The following EXTL3 variants were observed in gnomAD, a reference collection of about 807,000 sequenced individuals.
EXTL3 encodes the protein exostosin like glycosyltransferase 3.
A neutral mutation model predicts 69.3 loss-of-function variants in EXTL3; 27 were observed. The ratio of observed to expected loss-of-function variants is 0.39; its 90% CI spans 0.29 to 0.54. The LOEUF is 0.54. Among genes scored for constraint, EXTL3 ranks in the 20% least tolerant of loss-of-function variants. The pLI is 0.69. For missense variants in EXTL3, 1,003 were observed against 1,231.8 expected (o/e 0.81, Z 2.78); for synonymous variants, 511 against 499.4 (o/e 1.02, Z -0.31).
intron 4 of EXTL3, among the ~76,000 whole-genome samples, chr8:28,735,697 C>A (rs1801636598): frequency 6.6e-6 from 1 of 152,134 alleles, no homozygotes; most frequent in Non-Finnish European, 1.5e-5. Context: ...GACCTAAGTT[C>A]AAAGGAAAGG....
At chr8:28,690,589 T>G (rs564113581) in intron 1 of EXTL3, among the ~76,000 whole-genome samples, 2 of 152,246 alleles carry the variant, frequency 1.3e-5, no homozygotes, top group East Asian at 3.9e-4. Context: ...TGGGTGGTTT[T>G]GGCACAGGGT....
At chr8:28,673,307 TCCTGATGTG>T (rs1225034554) in intron 1 of EXTL3, among the ~76,000 whole-genome samples, 7 of 152,222 alleles carry the variant, frequency 4.6e-5, no homozygotes, top group Admixed American at 2.0e-4. Context: ...AAACATTATT[TCCTGATGTG>T]TCTTTGCGGG....
chr8:28,712,233 T>G (rs539189052), intron 1 of EXTL3, among the ~76,000 whole-genome samples: 2 of 152,276 alleles, frequency 1.3e-5, no homozygotes, highest in Admixed American at 6.5e-5. Flanking sequence ...AGCGAGAAGC[T>G]TGGCACAGTC....
chr8:28,684,428 G>T (rs1223173880), intron 1 of EXTL3, among the ~76,000 whole-genome samples: 1 of 152,078 alleles, frequency 6.6e-6, no homozygotes, highest in Non-Finnish European at 1.5e-5. Context: ...ATCTGAGGTG[G>T]TTCTGTAAAA....
Position 28,613,800 on chromosome 8 carries a change from G to A in EXTL3, n.314+6042G>A, listed in dbSNP as rs1806298937. On this transcript the variant is annotated intron_variant and non_coding_transcript_variant, in intron 2 of 4. Transcript: ENST00000522725. ...TGATCCTTTTAATGCCATAGGATCA[G>A]TAGTGATGGCCTCTCTTTTTTAGCC... Among the ~76,000 whole-genome samples, 2 of 151,834 alleles carry A rather than the reference G, an allele frequency of 1.3e-5. 1 individual carries two copies. Among genetic ancestry groups the A allele is most frequent in the South Asian group, 4.2e-4 (2 of 4,818 alleles).
chr8:28,615,823 C>G (rs1372432796), intron 2 of EXTL3, among the ~76,000 whole-genome samples: 1 of 152,074 alleles, frequency 6.6e-6, no homozygotes, highest in Non-Finnish European at 1.5e-5. Context: ...ATCTGCTTGC[C>G]TGGGCCTCCC....
chr8:28,627,997 G>A (rs1337203879), intron 1 of EXTL3, among the ~76,000 whole-genome samples: 1 of 152,142 alleles, frequency 6.6e-6, no homozygotes, highest in Admixed American at 6.5e-5. Context: ...AAAAGTTCTA[G>A]AGAAGGATGA....
At chr8:28,670,748 T>C (rs1478277152) in intron 1 of EXTL3, among the ~76,000 whole-genome samples, 2 of 152,218 alleles carry the variant, frequency 1.3e-5, no homozygotes, top group Non-Finnish European at 2.9e-5. Context: ...AGTCTCTCGA[T>C]TCCAATGTTA....
At chr8:28,756,551 C>T (rs6995174), downstream of EXTL3, among the ~76,000 whole-genome samples, 82,322 of 152,058 alleles carry the variant, frequency 0.54, 23,188 homozygotes, top group African/African-American at 0.7. Context: ...ATAAAGTTTC[C>T]GTGAACATTC....
intron 1 of EXTL3, among the ~76,000 whole-genome samples, chr8:28,680,284 C>T (rs545035148): frequency 5.5e-4 from 82 of 150,208 alleles, no homozygotes; most frequent in Admixed American, 2.1e-3. Context: ...CCAGCTACTC[C>T]GAGGCTGAGG....
intron 2 of EXTL3, among the ~76,000 whole-genome samples, chr8:28,612,463 T>TAA (rs111303829): frequency 0.017 from 2,154 of 127,142 alleles, 37 homozygotes; most frequent in African/African-American, 0.043. Flanking sequence ...CTCCATCTCT[T>TAA]AAAAAAAAAA....
intron 1 of EXTL3, among the ~76,000 whole-genome samples, chr8:28,660,136 G>A (rs1807083279): frequency 6.6e-6 from 1 of 152,210 alleles, no homozygotes; most frequent in African/African-American, 2.4e-5. Flanking sequence ...GCCAAGGCAG[G>A]AAGATCGGTT....
chr8:28,610,412 C>A (rs1172089074), intron 2 of EXTL3, among the ~76,000 whole-genome samples: 1 of 152,064 alleles, frequency 6.6e-6, no homozygotes, highest in Non-Finnish European at 1.5e-5. Context: ...TGTAACACAC[C>A]CAGGGATCTG....
chr8:28,686,715 G>C (rs1414930306), intron 1 of EXTL3, among the ~76,000 whole-genome samples: 1 of 152,132 alleles, frequency 6.6e-6, no homozygotes, highest in Non-Finnish European at 1.5e-5. Context: ...AGGGCAATTA[G>C]GAGGAGAAAG....
chr8:28,702,130 C>T (rs184414815), intron 1 of EXTL3, among the ~76,000 whole-genome samples: 191 of 152,308 alleles, frequency 1.3e-3, no homozygotes, highest in South Asian at 2.3e-3. Flanking sequence ...GGACTACCCC[C>T]ACCCCTTCCC....
chr8:28,733,121 T>A (rs1273797592), intron 4 of EXTL3, among the ~76,000 whole-genome samples: 3 of 152,206 alleles, frequency 2.0e-5, no homozygotes, highest in Non-Finnish European at 4.4e-5. Flanking sequence ...TGAACCTTCA[T>A]GCGCAAGTTT....
At chr8:28,609,975 A>G (rs1398679769) in intron 2 of EXTL3, among the ~76,000 whole-genome samples, 1 of 151,470 alleles carries the variant, frequency 6.6e-6, no homozygotes, top group African/African-American at 2.4e-5. Flanking sequence ...AGGCCAAAGC[A>G]GGTGGATCAC....
chr8:28,742,861 G>T, intron 5 of EXTL3: 1 of 548,070 alleles, frequency 1.8e-6, no homozygotes, highest in Non-Finnish European at 3.4e-6. Context: ...ATGACATTCT[G>T]TTACTAAAGG....
chr8:28,609,055 G>A (rs1462679180), intron 2 of EXTL3, among the ~76,000 whole-genome samples: 1 of 152,122 alleles, frequency 6.6e-6, no homozygotes, highest in Non-Finnish European at 1.5e-5. Context: ...ACACACAGAA[G>A]TCTGCTAGCA....
Sources: gnomAD v4.1 joint callset for allele counts (sites outside exome capture counted in the v4.1 genomes callset) on GRCh38, gnomAD v4.1.1 for gene constraint, MANE v1.5 for transcripts, NCBI Gene and HGNC (gene_info 2026-07-23, HGNC 2026-07-21) for gene names.